CNTN5: variants seen among roughly 807,000 people sequenced by gnomAD.
CNTN5 encodes contactin 5.
Under a neutral mutation model 129.1 loss-of-function variants are expected in CNTN5, and 77 were observed. The ratio of observed to expected loss-of-function variants is 0.60; its 90% CI spans 0.50 to 0.72. The LOEUF is 0.72. Ranked by LOEUF, CNTN5 falls within the 30% of genes least tolerant of loss-of-function variation. CNTN5 has a pLI of 0.00. For missense variants in CNTN5, 1,478 were observed against 1,328.8 expected (o/e 1.11, Z -1.75); for synonymous variants, 509 against 465.6 (o/e 1.09, Z -1.20).
At chr11:100,063,434 T>C (rs1335438851) in intron 10 of CNTN5, among the ~76,000 whole-genome samples, 2 of 151,922 alleles carry the variant, frequency 1.3e-5, no homozygotes. Flanking sequence ...GCTGGCTGGC[T>C]ACTTGGCATA....
chr11:99,947,435 A>G (rs1950577381), intron 7 of CNTN5, among the ~76,000 whole-genome samples: 1 of 152,012 alleles, frequency 6.6e-6, no homozygotes, highest in Admixed American at 6.6e-5. Flanking sequence ...AATAGACAGT[A>G]TCCACTATTT....
At chr11:100,312,642 G>A (rs994600873) in intron 21 of CNTN5, among the ~76,000 whole-genome samples, 1 of 151,942 alleles carries the variant, frequency 6.6e-6, no homozygotes, top group Non-Finnish European at 1.5e-5. Flanking sequence ...ATTGAAACAA[G>A]GGCATTTGTC....
intron 1 of CNTN5, among the ~76,000 whole-genome samples, chr11:99,133,478 A>T (rs1259583302): frequency 1.3e-5 from 2 of 152,090 alleles, no homozygotes; most frequent in Non-Finnish European, 2.9e-5. Context: ...CAACCTACAG[A>T]TTGGGAGAAA....
At chr11:99,989,587 T>C (rs1410880684) in intron 8 of CNTN5, among the ~76,000 whole-genome samples, 2 of 151,630 alleles carry the variant, frequency 1.3e-5, no homozygotes, top group African/African-American at 2.4e-5. Flanking sequence ...TTTTAAATTA[T>C]GAACTTATTG....
chr11:99,200,957 A>G (rs950416905), intron 1 of CNTN5, among the ~76,000 whole-genome samples: 11 of 151,488 alleles, frequency 7.3e-5, no homozygotes, highest in Non-Finnish European at 1.5e-4. Flanking sequence ...GTTTAACAAC[A>G]GCAACAAAAA....
At chr11:99,113,157 G>T (rs1373269384) in intron 1 of CNTN5, among the ~76,000 whole-genome samples, 1 of 151,978 alleles carries the variant, frequency 6.6e-6, no homozygotes, top group Non-Finnish European at 1.5e-5. Flanking sequence ...CATCAAAATT[G>T]TATCTTTTTC....
chr11:99,281,714 T>C (rs1448711422), intron 1 of CNTN5, among the ~76,000 whole-genome samples: 1 of 152,110 alleles, frequency 6.6e-6, no homozygotes, highest in African/African-American at 2.4e-5. Context: ...CATATTTTAT[T>C]AAGATATTGA....
chr11:99,595,949 T>C (rs575930386), intron 3 of CNTN5, among the ~76,000 whole-genome samples: 24 of 152,194 alleles, frequency 1.6e-4, no homozygotes, highest in African/African-American at 5.8e-4. Context: ...TGGGAACTTG[T>C]TAGACATGCA....
intron 18 of CNTN5, among the ~76,000 whole-genome samples, chr11:100,294,549 A>G (rs868598049): frequency 7.9e-5 from 12 of 151,832 alleles, no homozygotes; most frequent in Middle Eastern, 6.8e-3. Flanking sequence ...TATAAACTTG[A>G]TTCTCTAAGC....
At chr11:100,318,907 G>A (rs17094870) in intron 21 of CNTN5, among the ~76,000 whole-genome samples, 2,996 of 152,234 alleles carry the variant, frequency 0.02, 95 homozygotes, top group African/African-American at 0.067. Context: ...AAATAGCCGA[G>A]ACTTTATTTT....
intron 3 of CNTN5, among the ~76,000 whole-genome samples, chr11:99,798,614 C>T (rs1484181713): frequency 1.3e-5 from 2 of 151,950 alleles, no homozygotes; most frequent in African/African-American, 4.8e-5. Context: ...TATTCTGTTC[C>T]ATTGATTTGT....
chr11:100,296,945 T>G (rs925553155), intron 18 of CNTN5, among the ~76,000 whole-genome samples: 1 of 151,626 alleles, frequency 6.6e-6, no homozygotes, highest in African/African-American at 2.4e-5. Context: ...TAAAAGTTCT[T>G]CATTTGAAAA....
intron 1 of CNTN5, among the ~76,000 whole-genome samples, chr11:99,182,577 T>C (rs960717458): frequency 5.9e-5 from 9 of 152,148 alleles, no homozygotes; most frequent in Non-Finnish European, 1.5e-5. Context: ...CATTCTCTTG[T>C]TTTTTTCTAT....
At chr11:99,446,515 G>T (rs907422188) in intron 2 of CNTN5, among the ~76,000 whole-genome samples, 1 of 152,122 alleles carries the variant, frequency 6.6e-6, no homozygotes, top group Non-Finnish European at 1.5e-5. Flanking sequence ...AGTCAGTAAA[G>T]TTATTGGCCT....
At chr11:99,158,142 C>T (rs1010113182) in intron 1 of CNTN5, among the ~76,000 whole-genome samples, 2 of 152,122 alleles carry the variant, frequency 1.3e-5, no homozygotes, top group African/African-American at 4.8e-5. Flanking sequence ...ATGTACTCAC[C>T]TGTCCACCTC....
chr11:99,962,241 T>C (rs1171669977), intron 8 of CNTN5, among the ~76,000 whole-genome samples: 3 of 152,120 alleles, frequency 2.0e-5, no homozygotes, highest in Non-Finnish European at 1.5e-5. Context: ...ATGTGCCATG[T>C]TGGTGTGCTG....
intron 2 of CNTN5, among the ~76,000 whole-genome samples, chr11:99,330,946 G>T (rs1024730696): frequency 6.6e-6 from 1 of 151,290 alleles, no homozygotes; most frequent in East Asian, 1.9e-4. Flanking sequence ...ACACACACAT[G>T]TGCACACACA....
At chr11:100,132,618 A>G (rs972259761) in intron 13 of CNTN5, among the ~76,000 whole-genome samples, 1 of 152,174 alleles carries the variant, frequency 6.6e-6, no homozygotes, top group Non-Finnish European at 1.5e-5. Context: ...TGAGGGCACT[A>G]CAGCAGTTAG....
chr11:99,899,754 A>G (rs1279737079), intron 6 of CNTN5, among the ~76,000 whole-genome samples: 1 of 152,028 alleles, frequency 6.6e-6, no homozygotes, highest in African/African-American at 2.4e-5. Flanking sequence ...AGAGTGAGTT[A>G]GGAAGACATT....
Sources: allele counts gnomAD v4.1 joint callset (sites outside exome capture counted in the v4.1 genomes callset), GRCh38; gene constraint gnomAD v4.1.1; transcripts MANE v1.5; gene names NCBI Gene and HGNC (gene_info 2026-07-23, HGNC 2026-07-21).